The following KHDRBS2 variants were observed in gnomAD, a reference collection of about 807,000 sequenced individuals.
The protein encoded by KHDRBS2 is KH RNA binding domain containing, signal transduction associated 2.
A neutral mutation model predicts 44.3 loss-of-function variants in KHDRBS2; 26 were observed. The ratio of observed to expected loss-of-function variants is 0.59; its 90% CI spans 0.43 to 0.81. The LOEUF (loss-of-function observed/expected upper bound fraction) is 0.81, where lower values mean the gene tolerates loss of function less well. KHDRBS2 is among the 40% of genes least tolerant of loss of function. KHDRBS2 has a pLI of 0.00. For synonymous variants in KHDRBS2, 194 were observed against 151.1 expected, an observed-to-expected ratio of 1.28 and a Z score of -2.08; for missense variants, 476 against 433.1, an observed-to-expected ratio of 1.10 and a Z score of -0.88.
chr6:61,755,863 G>A (rs151183907), intron 6 of KHDRBS2, among the ~76,000 whole-genome samples: 1 of 151,942 alleles, frequency 6.6e-6, no homozygotes, highest in Non-Finnish European at 1.5e-5. Flanking sequence ...TAATTGAATG[G>A]AGTGAGGGTC....
At chr6:62,127,477 C>G (rs535268928) in intron 2 of KHDRBS2, among the ~76,000 whole-genome samples, 14 of 151,902 alleles carry the variant, frequency 9.2e-5, no homozygotes, top group Non-Finnish European at 2.1e-4. Context: ...TAAAATAATC[C>G]TTACTTTAAA....
At chr6:61,906,350 T>C (rs1189471400) in intron 4 of KHDRBS2, among the ~76,000 whole-genome samples, 5 of 152,148 alleles carry the variant, frequency 3.3e-5, no homozygotes, top group South Asian at 2.1e-4. Flanking sequence ...ATCAGGATAA[T>C]TGGGGTATCT....
intron 6 of KHDRBS2, among the ~76,000 whole-genome samples, chr6:61,777,940 T>C (rs1413301193): frequency 6.6e-6 from 1 of 152,084 alleles, no homozygotes; most frequent in Non-Finnish European, 1.5e-5. Context: ...TATGAATTAT[T>C]TCACTACCCA....
intron 2 of KHDRBS2, among the ~76,000 whole-genome samples, chr6:62,069,857 C>T (rs1433068814): frequency 6.6e-6 from 1 of 151,618 alleles, no homozygotes. Flanking sequence ...TAAATTTTAA[C>T]TTTTTATAAT....
the KHDRBS2 span, among the ~76,000 whole-genome samples, chr6:61,577,817 T>C: frequency 6.6e-6 from 1 of 152,200 alleles, no homozygotes; most frequent in Non-Finnish European, 1.5e-5. Flanking sequence ...GTCATTTTGT[T>C]TTTATTATCC....
At chr6:62,188,996 T>C (rs1315025484) in intron 1 of KHDRBS2, among the ~76,000 whole-genome samples, 1 of 151,998 alleles carries the variant, frequency 6.6e-6, no homozygotes, top group Non-Finnish European at 1.5e-5. Context: ...GTGCCTGTAA[T>C]CCCATCTACT....
chr6:61,576,782 A>C, the KHDRBS2 span, among the ~76,000 whole-genome samples: 1 of 152,184 alleles, frequency 6.6e-6, no homozygotes. Flanking sequence ...AAATTTCATC[A>C]TCCTCCTTTG....
intron 2 of KHDRBS2, among the ~76,000 whole-genome samples, chr6:62,155,425 T>G (rs1414061806): frequency 6.6e-6 from 1 of 152,196 alleles, no homozygotes; most frequent in African/African-American, 2.4e-5. Flanking sequence ...AAGTATCTGC[T>G]TTTGGGAAAA....
chr6:62,018,856 A>G (rs891821370), intron 3 of KHDRBS2, among the ~76,000 whole-genome samples: 1 of 152,188 alleles, frequency 6.6e-6, no homozygotes, highest in African/African-American at 2.4e-5. Flanking sequence ...CTTTACTATT[A>G]TCTAATAATT....
chr6:62,108,273 A>T (rs1428535319), intron 2 of KHDRBS2, among the ~76,000 whole-genome samples: 3 of 152,208 alleles, frequency 2.0e-5, no homozygotes, highest in Admixed American at 2.0e-4. Flanking sequence ...CCCCATCAAA[A>T]AGTGGGCGAA....
the KHDRBS2 span, among the ~76,000 whole-genome samples, chr6:61,613,142 G>T: frequency 5.0e-4 from 76 of 152,076 alleles, no homozygotes; most frequent in African/African-American, 1.7e-3. Context: ...GTGAGCCACT[G>T]CACCCAGCCA....
chr6:61,745,792 C>T (rs2127566105), intron 6 of KHDRBS2, among the ~76,000 whole-genome samples: 1 of 152,008 alleles, frequency 6.6e-6, no homozygotes, highest in Admixed American at 6.6e-5. Context: ...TTTTCACGGC[C>T]AATTATTTAT....
At chr6:62,213,172 G>C (rs1829376650) in intron 1 of KHDRBS2, among the ~76,000 whole-genome samples, 1 of 152,076 alleles carries the variant, frequency 6.6e-6, no homozygotes, top group South Asian at 2.1e-4. Context: ...ATAATGCTGG[G>C]GCATTGATAA....
chr6:62,144,471 G>T (rs949760864), intron 2 of KHDRBS2, among the ~76,000 whole-genome samples: 3 of 151,724 alleles, frequency 2.0e-5, no homozygotes, highest in African/African-American at 7.3e-5. Flanking sequence ...ATTGACAGTA[G>T]CTCAATAATC....
chr6:61,829,013 T>C (rs1791363797), intron 6 of KHDRBS2, among the ~76,000 whole-genome samples: 1 of 152,264 alleles, frequency 6.6e-6, no homozygotes, highest in Non-Finnish European at 1.5e-5. Context: ...TAAAAATTTA[T>C]GCAGCCTTTA....
At chr6:61,886,889 G>A (rs1801033343) in intron 6 of KHDRBS2, among the ~76,000 whole-genome samples, 1 of 152,062 alleles carries the variant, frequency 6.6e-6, no homozygotes, top group African/African-American at 2.4e-5. Flanking sequence ...TTAGTTTCTG[G>A]AGGTATTGAG....
At chr6:62,019,481 C>A (rs1294987821) in intron 3 of KHDRBS2, among the ~76,000 whole-genome samples, 2 of 151,992 alleles carry the variant, frequency 1.3e-5, no homozygotes, top group East Asian at 1.9e-4. Flanking sequence ...GGAAATAATT[C>A]TTTCCTCTTT....
intron 6 of KHDRBS2, among the ~76,000 whole-genome samples, chr6:61,758,310 C>T (rs1562107165): frequency 2.0e-5 from 3 of 151,924 alleles, no homozygotes; most frequent in Admixed American, 6.6e-5. Flanking sequence ...TAGGTCAAAA[C>T]GTAAGTCTAG....
downstream of KHDRBS2, among the ~76,000 whole-genome samples, chr6:61,675,742 A>G (rs1765895062): frequency 6.6e-6 from 1 of 151,756 alleles, no homozygotes; most frequent in Admixed American, 6.6e-5. Flanking sequence ...TCTTAATTTT[A>G]TTATTACTAA....
Sources: allele counts gnomAD v4.1 joint callset (sites outside exome capture counted in the v4.1 genomes callset), GRCh38; gene constraint gnomAD v4.1.1; transcripts MANE v1.5; gene names NCBI Gene and HGNC (gene_info 2026-07-23, HGNC 2026-07-21).